Variants in CHMP2B observed in about 807,000 individuals in gnomAD.
The protein encoded by CHMP2B is charged multivesicular body protein 2B.
In CHMP2B, 22 loss-of-function variants were observed where a neutral mutation model predicts 29.8. The observed-to-expected ratio is 0.74, with a 90% CI of 0.53 to 1.05. The LOEUF is 1.05. CHMP2B is among the 50% of genes least tolerant of loss of function. CHMP2B has a pLI of 0.00. For synonymous variants in CHMP2B, 78 were observed against 75.8 expected (o/e 1.03, Z -0.15); for missense variants, 261 against 252.2 (o/e 1.03, Z -0.24).
intron 4 of CHMP2B, 78 bp downstream of exon 4, chr3:87,250,055 C>T: frequency 4.7e-6 from 4 of 843,412 alleles, no homozygotes; most frequent in Non-Finnish European, 7.6e-6. Context: ...GTCTCATATT[C>T]TCATTCACGA....
At chr3:87,244,030 T>TTTTTTTGTTTTTTG (rs977249597) in intron 2 of CHMP2B, among the ~76,000 whole-genome samples, 2 of 144,662 alleles carry the variant, frequency 1.4e-5, no homozygotes, top group Non-Finnish European at 1.5e-5. Flanking sequence ...TTTGTTTTTT[T>TTTTTTTGTTTTTTG]TTTTTTGTTT....
In CHMP2B at chr3:87,249,892, C is replaced by G. The variant is rs747904374; in HGVS notation, c.339C>G (p.Asn113Lys). The G allele has an allele frequency of 1.2e-6, 2 of 1,602,930 alleles. No individual in the cohort carries two copies. The highest frequency in any genetic ancestry group is 1.7e-6 in the Non-Finnish European group (2 of 1,171,798). ...ATTTAAAGACAATGCAGGCAGTTAACAAGAAGATGGATCCACAAAAGACAT... is the reference window on the plus strand; with the variant it reads ...ATTTAAAGACAATGCAGGCAGTTAAGAAGAAGATGGATCCACAAAAGACAT... The part of the protein sequence containing the change: ...STTAKTMQAV[N>K]KKMDPQKTLQ... The change falls in exon 4 of 6, where the codon AAC becomes AAG. Residue 113 changes from asparagine to lysine, a missense_variant. By Grantham distance (94) the Asn-to-Lys change is moderately conservative. Coordinates refer to ENST00000263780, the MANE Select transcript of CHMP2B (RefSeq NM_014043.4).
rs944717442 is a variant in CHMP2B at position 87,245,095 on chromosome 3, A to G, written c.127-619A>G. Among the ~76,000 whole-genome samples, 5 of 152,080 alleles carry G rather than the reference A, an allele frequency of 3.3e-5. No homozygotes were observed. The East Asian group carries it at 9.6e-4, about 29-fold the overall frequency. On this transcript the variant is annotated intron_variant, in intron 2 of 5. Coordinates refer to ENST00000263780, the MANE Select transcript of CHMP2B (RefSeq NM_014043.4). Reference sequence around the variant, plus strand: ...AATACCCCTTTTTATTTCTGGTAGTATTCCTTGGTCTCAAGTTTATTTCAT... The same window carrying G: ...AATACCCCTTTTTATTTCTGGTAGTGTTCCTTGGTCTCAAGTTTATTTCAT...
At chr3:87,227,911 A>G (rs2106887434) in intron 1 of CHMP2B, among the ~76,000 whole-genome samples, 1 of 152,164 alleles carries the variant, frequency 6.6e-6, no homozygotes, top group East Asian at 2.0e-4. Flanking sequence ...GTTGCTCTTC[A>G]GTTGGGCGAT....
intron 1 of CHMP2B, among the ~76,000 whole-genome samples, chr3:87,232,365 G>C (rs540115977): frequency 6.6e-6 from 1 of 152,136 alleles, no homozygotes; most frequent in Admixed American, 6.6e-5. Flanking sequence ...CTGTATTCCA[G>C]AATAAAATAC....
intron 1 of CHMP2B, among the ~76,000 whole-genome samples, chr3:87,236,204 T>C (rs979586720): frequency 3.3e-5 from 5 of 152,130 alleles, no homozygotes; most frequent in Admixed American, 1.3e-4. Flanking sequence ...CACCCTTTAG[T>C]CAAGTGTTTG....
intron 1 of CHMP2B, among the ~76,000 whole-genome samples, chr3:87,232,329 C>T (rs1301086845): frequency 2.6e-5 from 4 of 152,094 alleles, no homozygotes; most frequent in Non-Finnish European, 4.4e-5. Flanking sequence ...GGAAATAAAA[C>T]GGAATACCCT....
chr3:87,252,483 C>T (rs1559611257), intron 4 of CHMP2B, among the ~76,000 whole-genome samples: 1 of 151,792 alleles, frequency 6.6e-6, no homozygotes, highest in African/African-American at 2.4e-5. Context: ...TGACTTTGCC[C>T]AGGCCATTCC....
chr3:87,252,599 CATTTATCTTTTCTCTTACCACA>C (rs1359137953), intron 4 of CHMP2B, among the ~76,000 whole-genome samples: 2 of 151,856 alleles, frequency 1.3e-5, no homozygotes, highest in Non-Finnish European at 2.9e-5. Context: ...ACTTTATAAT[CATTTATCTTTTCTCTTACCACA>C]ATCTGTTTCT....
chr3:87,237,195 G>C (rs1410165725), intron 1 of CHMP2B, among the ~76,000 whole-genome samples: 1 of 152,154 alleles, frequency 6.6e-6, no homozygotes, highest in Non-Finnish European at 1.5e-5. Context: ...TCTGAGGAAA[G>C]ATGTGTATTA....
At chr3:87,247,089 A>G (rs961740364) in intron 3 of CHMP2B, among the ~76,000 whole-genome samples, 1 of 152,216 alleles carries the variant, frequency 6.6e-6, no homozygotes, top group Non-Finnish European at 1.5e-5. Context: ...TACACAGGCA[A>G]TTTATGTTAT....
intron 4 of CHMP2B, among the ~76,000 whole-genome samples, chr3:87,251,802 T>A (rs187952765): frequency 2.0e-4 from 31 of 152,078 alleles, no homozygotes; most frequent in African/African-American, 6.7e-4. Context: ...TCTTTGTTAG[T>A]CTGATTACAC....
chr3:87,241,713 T>C (rs1349000254), intron 2 of CHMP2B, among the ~76,000 whole-genome samples: 1 of 152,192 alleles, frequency 6.6e-6, no homozygotes, highest in African/African-American at 2.4e-5. Context: ...TACCAGCCAG[T>C]GGACATTTGA....
At chr3:87,244,426 T>C (rs1379888263) in intron 2 of CHMP2B, among the ~76,000 whole-genome samples, 1 of 152,070 alleles carries the variant, frequency 6.6e-6, no homozygotes, top group African/African-American at 2.4e-5. Context: ...CTATGTTATG[T>C]TGAAGCTTAT....
At chr3:87,236,479 G>A (rs942859089) in intron 1 of CHMP2B, among the ~76,000 whole-genome samples, 1 of 152,138 alleles carries the variant, frequency 6.6e-6, no homozygotes, top group African/African-American at 2.4e-5. Flanking sequence ...CTGTGCACCT[G>A]TGTCAATTAT....
intron 2 of CHMP2B, among the ~76,000 whole-genome samples, chr3:87,242,837 G>T (rs541636779): frequency 7.2e-5 from 11 of 152,166 alleles, no homozygotes; most frequent in Middle Eastern, 3.4e-3. Flanking sequence ...TGTTAATAAA[G>T]GTTTAAATAA....
At chr3:87,230,518 A>C (rs963896977) in intron 1 of CHMP2B, among the ~76,000 whole-genome samples, 2 of 152,150 alleles carry the variant, frequency 1.3e-5, no homozygotes, top group African/African-American at 4.8e-5. Context: ...GGAATTCTCA[A>C]CTTTTGGTAG....
chr3:87,252,226 T>C (rs1479587123), intron 4 of CHMP2B, among the ~76,000 whole-genome samples: 1 of 151,874 alleles, frequency 6.6e-6, no homozygotes, highest in Non-Finnish European at 1.5e-5. Flanking sequence ...ACAAGGACTC[T>C]CTTGCTAGTA....
In CHMP2B at chr3:87,232,865, CAT is replaced by C. The variant is rs1194974851; in HGVS notation, c.34+5310_34+5311del. ...CAAACAAGACTCAAAAGTCTACTGA[CAT>C]GTGCCCATCTCAAAACCATCTTTTA... On this transcript the variant is annotated intron_variant, in intron 1 of 5. Coordinates refer to ENST00000263780, the MANE Select transcript of CHMP2B (RefSeq NM_014043.4). 2.6e-5 allele frequency among the ~76,000 whole-genome samples: 4 copies of C among 152,154 alleles called. No individual in the cohort carries two copies. In the East Asian group the frequency reaches 7.7e-4, roughly 29 times the overall value.
Sources: allele counts gnomAD v4.1 joint callset (sites outside exome capture counted in the v4.1 genomes callset), GRCh38; gene constraint gnomAD v4.1.1; transcripts MANE v1.5; gene names NCBI Gene and HGNC (gene_info 2026-07-23, HGNC 2026-07-21).